Variants in RPS6KA2 observed in about 807,000 individuals in gnomAD.
RPS6KA2 encodes ribosomal protein S6 kinase alpha-2.
In RPS6KA2, 42 loss-of-function variants were observed where a neutral mutation model predicts 91.8. The ratio of observed to expected loss-of-function variants is 0.46; its 90% CI spans 0.36 to 0.59. RPS6KA2 has a LOEUF of 0.59. Ranked by LOEUF, RPS6KA2 falls within the 20% of genes least tolerant of loss-of-function variation. The pLI is 0.00. For synonymous variants in RPS6KA2, 414 were observed against 393.6 expected, an observed-to-expected ratio of 1.05 and a Z score of -0.61; for missense variants, 798 against 978.5, an observed-to-expected ratio of 0.82 and a Z score of 2.46.
At chr6:166,840,990 A>G (rs1780460541) in intron 2 of RPS6KA2, among the ~76,000 whole-genome samples, 2 of 152,006 alleles carry the variant, frequency 1.3e-5, no homozygotes, top group South Asian at 2.1e-4. Flanking sequence ...AAAGAAAAAA[A>G]GAAAGCTGAG....
At chr6:166,473,503 A>G (rs75746928) in intron 10 of RPS6KA2, among the ~76,000 whole-genome samples, 3,172 of 152,172 alleles carry the variant, frequency 0.021, 97 homozygotes, top group African/African-American at 0.072. Context: ...TTATTCTTTC[A>G]TTGCACCGAT....
At chr6:166,759,477 A>G (rs1370842066) in intron 2 of RPS6KA2, among the ~76,000 whole-genome samples, 1 of 152,184 alleles carries the variant, frequency 6.6e-6, no homozygotes, top group East Asian at 1.9e-4. Flanking sequence ...GCTGGCCCAA[A>G]ATAATAACAC....
chr6:166,485,931 A>G (rs1341578355), intron 10 of RPS6KA2, among the ~76,000 whole-genome samples: 1 of 151,596 alleles, frequency 6.6e-6, no homozygotes, highest in South Asian at 2.1e-4. Flanking sequence ...GTGGATAGGG[A>G]CTCTGGGCAC....
intron 1 of RPS6KA2, among the ~76,000 whole-genome samples, chr6:166,589,852 A>T (rs953198028): frequency 3.3e-5 from 5 of 152,202 alleles, no homozygotes; most frequent in African/African-American, 1.2e-4. Flanking sequence ...CATAAACTAA[A>T]CTGTGGCATG....
chr6:166,630,264 G>A (rs1347418645), upstream of RPS6KA2, among the ~76,000 whole-genome samples: 1 of 152,202 alleles, frequency 6.6e-6, no homozygotes, highest in African/African-American at 2.4e-5. Flanking sequence ...CCACATTCTC[G>A]GGGCACCCCA....
upstream of RPS6KA2, chr6:166,627,403 C>A: frequency 5.5e-6 from 1 of 182,798 alleles, no homozygotes; most frequent in Non-Finnish European, 1.0e-5. Context: ...CCTCCCGTTC[C>A]CACCCACCAC....
intron 3 of RPS6KA2, among the ~76,000 whole-genome samples, chr6:166,523,228 G>A (rs778262405): frequency 3.3e-5 from 5 of 152,200 alleles, no homozygotes; most frequent in East Asian, 3.8e-4. Flanking sequence ...GAGTGAGATC[G>A]TACCTTACAA....
chr6:166,623,373 T>C (rs982272345), intron 1 of RPS6KA2, among the ~76,000 whole-genome samples: 1 of 152,158 alleles, frequency 6.6e-6, no homozygotes, highest in Admixed American at 6.5e-5. Context: ...AAAGGTTGAG[T>C]GGGGAGAAGA....
rs1018831880 is a variant in RPS6KA2 at position 166,495,087 on chromosome 6, G to A, written c.747+3421C>T. Among the ~76,000 whole-genome samples the A allele has an allele frequency of 3.9e-5, 6 of 152,220 alleles. No homozygotes were observed. The highest frequency in any genetic ancestry group is 8.8e-5 in the Non-Finnish European group (6 of 68,046). ...GCAGCCAGTCACCACGTGGGCGGGC[G>A]GCACTAAATGAGAATGTGTTTCTGG... On this transcript the variant is annotated intron_variant, in intron 8 of 20. Coordinates refer to ENST00000265678, the MANE Select transcript of RPS6KA2 (RefSeq NM_021135.6). The surrounding 1 kb of genome is among the most constrained non-coding windows in gnomAD (Gnocchi z 4.4).
chr6:166,733,366 C>G lies in RPS6KA2; in HGVS notation c.123+124834G>C, dbSNP rs1447900069. On this transcript the variant is annotated intron_variant, in intron 2 of 21. Transcript: ENST00000503859. This position sits in a 1 kb window ranked among gnomAD's most constrained non-coding sequence, Gnocchi z 4.1. ...TTGATCAGTTTATTATGTCTTGGAA[C>G]TCATCCTTGAATTAATTGGAATGTT... Among the ~76,000 whole-genome samples the G allele has an allele frequency of 6.6e-6, 1 of 152,164 alleles. No homozygotes were observed. Among genetic ancestry groups the G allele is most frequent in the African/African-American group, 2.4e-5 (1 of 41,450 alleles).
At position 166,825,657 on chromosome 6, in the gene RPS6KA2, T is replaced by C. The variant is rs918423512; in HGVS notation, c.123+32543A>G. The stretch of plus-strand genomic sequence containing the variant: ...GATTCAGTGTTGGATGAGAACCCAC[T>C]TCCTAGTACATAGACAGCAACTTCT... On this transcript the variant is annotated intron_variant, in intron 2 of 21. Transcript: ENST00000503859. This position sits in a 1 kb window ranked among gnomAD's most constrained non-coding sequence, Gnocchi z 4.1. Among the ~76,000 whole-genome samples the C allele has an allele frequency of 1.3e-5, 2 of 152,108 alleles. No homozygotes were observed. The highest frequency in any genetic ancestry group is 2.9e-5 in the Non-Finnish European group (2 of 67,998).
In RPS6KA2 at chr6:166,592,200, C is replaced by T. The variant is rs80155170; in HGVS notation, c.99+34721G>A. On this transcript the variant is annotated intron_variant, in intron 1 of 20. Transcript: ENST00000265678. ...GAGAGTCACATATTATAAATAGTAGCGAGGGTCATGGAGAAATCAACAGGA... is the reference window on the plus strand; with the variant it reads ...GAGAGTCACATATTATAAATAGTAGTGAGGGTCATGGAGAAATCAACAGGA... Among the ~76,000 whole-genome samples the T allele has an allele frequency of 2.8e-3, 433 of 152,192 alleles. 2 individuals are homozygous for T. The highest frequency in any genetic ancestry group is 9.9e-3 in the African/African-American group (410 of 41,510).
At chr6:166,621,108 G>A (rs1269938562) in intron 1 of RPS6KA2, among the ~76,000 whole-genome samples, 1 of 152,242 alleles carries the variant, frequency 6.6e-6, no homozygotes, top group Non-Finnish European at 1.5e-5. Flanking sequence ...ATGGAATCAG[G>A]TAGGGCTCTC....
At chr6:166,633,491 T>G (rs959978691) in intron 2 of RPS6KA2, among the ~76,000 whole-genome samples, 2 of 152,218 alleles carry the variant, frequency 1.3e-5, no homozygotes, top group Non-Finnish European at 2.9e-5. Context: ...GAGGCTTACT[T>G]CTGTGGAAAA....
In RPS6KA2 at chr6:166,448,696, C is replaced by A; in HGVS notation, c.1332+28G>T. ...TCCCACGCGCTGCACTCACACAGGGCCCTGCTCACTCAGCAGGCCTGCCTT... is the reference window on the plus strand; with the variant it reads ...TCCCACGCGCTGCACTCACACAGGGACCTGCTCACTCAGCAGGCCTGCCTT... On this transcript the variant is annotated intron_variant, in intron 14 of 20. Transcript: ENST00000265678. This position sits in a 1 kb window ranked among gnomAD's most constrained non-coding sequence, Gnocchi z 4.7. 2 of 1,594,294 alleles carry A rather than the reference C, an allele frequency of 1.3e-6. No homozygotes were observed. The highest frequency in any genetic ancestry group is 1.7e-6 in the Non-Finnish European group (2 of 1,168,936).
rs1257642050 is a variant in RPS6KA2, at chr6:166,648,057, C to T, written c.124-109273G>A. On this transcript the variant is annotated intron_variant, in intron 2 of 21. Coordinates refer to the RPS6KA2 transcript ENST00000503859. The surrounding 1 kb of genome is among the most constrained non-coding windows in gnomAD (Gnocchi z 4.8). The stretch of plus-strand genomic sequence containing the variant: ...ACATGCTCTCACACACATGCACATG[C>T]TCACACACATGCACACGCACATGGT... Among the ~76,000 whole-genome samples the T allele has an allele frequency of 3.3e-5, 5 of 151,554 alleles. No individual in the cohort carries two copies. Among genetic ancestry groups the T allele is most frequent in the African/African-American group, 1.2e-4 (5 of 41,170 alleles).
chr6:166,771,828 T>C (rs1403916337), intron 2 of RPS6KA2, among the ~76,000 whole-genome samples: 2 of 152,146 alleles, frequency 1.3e-5, no homozygotes, highest in African/African-American at 4.8e-5. Flanking sequence ...TGGCCCTCGG[T>C]TGTCACGAGT....
chr6:166,643,489 C>T (rs79319382), intron 2 of RPS6KA2, among the ~76,000 whole-genome samples: 264 of 152,268 alleles, frequency 1.7e-3, no homozygotes, highest in African/African-American at 6.0e-3. Flanking sequence ...TATTGATGAA[C>T]GTTTCAATTC....
At chr6:166,553,981 T>C (rs1784100511) in intron 1 of RPS6KA2, among the ~76,000 whole-genome samples, 1 of 152,138 alleles carries the variant, frequency 6.6e-6, no homozygotes, top group South Asian at 2.1e-4. Flanking sequence ...GGGAAACTAG[T>C]ATGCGTATTT....
Sources: gnomAD v4.1 joint callset for allele counts (sites outside exome capture counted in the v4.1 genomes callset) on GRCh38, gnomAD v4.1.1 for gene constraint, Gnocchi (gnomAD v3.1) non-coding constraint, MANE v1.5 for transcripts, NCBI Gene and HGNC (gene_info 2026-07-23, HGNC 2026-07-21) for gene names.